VIRMA: variants seen among roughly 807,000 people sequenced by gnomAD.
The protein encoded by VIRMA is vir like m6A methyltransferase associated, also known as protein virilizer homolog.
Under a neutral mutation model 182.4 loss-of-function variants are expected in VIRMA, and 65 were observed. That is an observed-to-expected ratio of 0.36 (90% confidence interval 0.29 to 0.44). The LOEUF (loss-of-function observed/expected upper bound fraction) is 0.44. Ranked by LOEUF, VIRMA falls within the 20% of genes least tolerant of loss-of-function variation. The pLI, the probability that VIRMA is intolerant of heterozygous loss-of-function variation, is 1.00. For synonymous variants in VIRMA, 709 were observed against 743.1 expected (o/e 0.95, Z 0.75); for missense variants, 1,752 against 2,158.1 (o/e 0.81, Z 3.73).
chr8:94,520,079 C>T (rs755404337), intron 8 of VIRMA, among the ~76,000 whole-genome samples: 3 of 149,656 alleles, frequency 2.0e-5, no homozygotes, highest in Non-Finnish European at 4.4e-5. Context: ...GGCGTGGTGG[C>T]GCATGTCTGT....
intron 21 of VIRMA, 27 bp downstream of exon 21, chr8:94,492,625 T>C: frequency 6.3e-7 from 1 of 1,583,292 alleles, no homozygotes; most frequent in Non-Finnish European, 8.7e-7. Context: ...TGATGACATT[T>C]GAGATCTTCA....
chr8:94,513,352 A>G (rs1290424298), intron 11 of VIRMA, among the ~76,000 whole-genome samples: 1 of 151,960 alleles, frequency 6.6e-6, no homozygotes, highest in East Asian at 1.9e-4. Flanking sequence ...AAAACAAAAC[A>G]AAACAAAAAA....
chr8:94,550,858 A>G (rs986329856), intron 1 of VIRMA, among the ~76,000 whole-genome samples: 3 of 152,098 alleles, frequency 2.0e-5, no homozygotes, highest in African/African-American at 7.2e-5. Context: ...AGCTGGGACT[A>G]TAGACGCACA....
intron 1 of VIRMA, among the ~76,000 whole-genome samples, chr8:94,544,765 T>C (rs1271666473): frequency 6.6e-6 from 1 of 152,172 alleles, no homozygotes; most frequent in East Asian, 1.9e-4. Flanking sequence ...TTTGTGTTTT[T>C]TGGTGTAAGT....
At position 94,519,364 on chromosome 8, in the gene VIRMA, C is replaced by T; in HGVS notation, c.2134G>A (p.Ala712Thr). 1 of 1,582,984 alleles carries T rather than the reference C, an allele frequency of 6.3e-7. No homozygotes were observed. The highest frequency in any genetic ancestry group is 8.6e-7 in the Non-Finnish European group (1 of 1,168,796). Residue 712 changes from alanine (A) to threonine (T), a missense_variant, in exon 9 of 24, where the codon GCA becomes ACA. By Grantham distance (58) the Ala-to-Thr change is moderately conservative (BLOSUM62 0). This residue lies in a region of VIRMA where 401 missense variants were observed against 455.1 expected (regional missense o/e 0.88). Coordinates refer to ENST00000297591, the MANE Select transcript of VIRMA (RefSeq NM_015496.5). ...QATKDVLKFL[A>T]QSQKGLLFFM... ...AAAAGAAGACCCTTCTGTGACTGTG[C>T]AAGAAACTTCAAAACATCTTTTGTG...
chr8:94,539,327 A>G (rs1815461159), intron 2 of VIRMA, among the ~76,000 whole-genome samples: 1 of 152,202 alleles, frequency 6.6e-6, no homozygotes, highest in South Asian at 2.1e-4. Flanking sequence ...ACTTAAAGCC[A>G]ATTGATATTT....
chr8:94,537,120 AGAT>A lies in VIRMA; in HGVS notation c.295_297del (p.Ile99del). The A allele has an allele frequency of 6.2e-7, 1 of 1,605,440 alleles. No homozygotes were observed. Among genetic ancestry groups the A allele is most frequent in the Non-Finnish European group, 8.5e-7 (1 of 1,172,112 alleles). On this transcript the variant is annotated inframe_deletion, in exon 4 of 24. Transcript: ENST00000297591. ...AGAATTACCTTTGAGTTAGGTCTAA[AGAT>A]GATGGAAGTATTCTCATCATATTCC...
At chr8:94,530,784 C>T (rs957732490) in intron 6 of VIRMA, among the ~76,000 whole-genome samples, 179 bp downstream of exon 6, 3 of 152,160 alleles carry the variant, frequency 2.0e-5, no homozygotes, top group Non-Finnish European at 2.9e-5. Flanking sequence ...TGGTGATGCA[C>T]ACCTGTAGTC....
At chr8:94,550,970 C>T (rs1281849709) in intron 1 of VIRMA, among the ~76,000 whole-genome samples, 1 of 151,442 alleles carries the variant, frequency 6.6e-6, no homozygotes, top group Non-Finnish European at 1.5e-5. Flanking sequence ...CCACCCACCT[C>T]AGCCTCACCA....
chr8:94,498,404 AT>A (rs1813861763), intron 17 of VIRMA: 1 of 152,248 alleles, frequency 6.6e-6, no homozygotes, highest in Admixed American at 6.5e-5. Context: ...AGTAACAAAA[AT>A]AAGTAAATAA....
intron 13 of VIRMA, 21 bp from the exon 14 acceptor site, chr8:94,510,673 G>C: frequency 6.6e-7 from 1 of 1,516,950 alleles, no homozygotes; most frequent in Non-Finnish European, 9.1e-7. Flanking sequence ...AGTATAATGT[G>C]TGTGTACGTA....
In VIRMA at chr8:94,526,972, TTTTGTG is replaced by T; in HGVS notation, c.1266_1271del (p.Asn422_Thr423del). The T allele has an allele frequency of 6.2e-7, 1 of 1,614,216 alleles. No individual in the cohort carries two copies. The highest frequency in any genetic ancestry group is 1.7e-5 in the Admixed American group (1 of 60,016). ...CTACCAACTGGCCAAGGGAGTCTTG[TTTTGTG>T]TTTTTCAATTGCAAATAGCTTAACC... On this transcript the variant is annotated inframe_deletion, in exon 8 of 24. Coordinates refer to ENST00000297591, the MANE Select transcript of VIRMA (RefSeq NM_015496.5).
At chr8:94,496,284 G>C (rs1813771889) in intron 18 of VIRMA, 44 bp downstream of exon 18, 2 of 1,552,628 alleles carry the variant, frequency 1.3e-6, no homozygotes, top group Admixed American at 1.9e-5. Flanking sequence ...GTCAAACTGA[G>C]AGGAAAATAG....
At chr8:94,522,096 T>C (rs1166662545) in intron 8 of VIRMA, among the ~76,000 whole-genome samples, 3 of 152,234 alleles carry the variant, frequency 2.0e-5, no homozygotes, top group Admixed American at 2.0e-4. Context: ...TGGTATAAGA[T>C]AGGCAGTGAG....
chr8:94,518,862 TTG>T (rs1168035073), intron 9 of VIRMA, 121 bp downstream of exon 9: 1 of 896,916 alleles, frequency 1.1e-6, no homozygotes, highest in African/African-American at 1.7e-5. Flanking sequence ...TTAACAAGTT[TTG>T]TGTTATATCA....
chr8:94,495,953 G>T, intron 18 of VIRMA, 62 bp from the exon 19 acceptor site: 1 of 1,437,988 alleles, frequency 7.0e-7, no homozygotes, highest in South Asian at 1.3e-5. Flanking sequence ...TAAACCTACT[G>T]ACTCTTTCGT....
intron 14 of VIRMA, 90 bp downstream of exon 14, chr8:94,510,327 T>C: frequency 1.0e-6 from 1 of 960,546 alleles, no homozygotes; most frequent in Non-Finnish European, 1.6e-6. Flanking sequence ...TATCTGGGCA[T>C]TCCAAACCCT....
intron 1 of VIRMA, among the ~76,000 whole-genome samples, chr8:94,548,003 C>A (rs1344164670): frequency 1.3e-5 from 2 of 150,792 alleles, no homozygotes; most frequent in Non-Finnish European, 2.9e-5. Flanking sequence ...CCACTGCACT[C>A]CAACCTGGGC....
intron 19 of VIRMA, among the ~76,000 whole-genome samples, 190 bp from the exon 20 acceptor site, chr8:94,495,146 G>A (rs1007689018): frequency 1.3e-5 from 2 of 152,048 alleles, no homozygotes; most frequent in Non-Finnish European, 2.9e-5. Context: ...GACCACAGGT[G>A]TGTACCACCA....
Sources: allele counts gnomAD v4.1 joint callset (sites outside exome capture counted in the v4.1 genomes callset), GRCh38; gene constraint gnomAD v4.1.1; regional missense constraint gnomAD v4.1.1; transcripts MANE v1.5; gene names NCBI Gene and HGNC (gene_info 2026-07-23, HGNC 2026-07-21).